OSBPL3: variants seen among roughly 807,000 people sequenced by gnomAD.
OSBPL3 encodes oxysterol-binding protein-related protein 3.
Under a neutral mutation model 120.1 loss-of-function variants are expected in OSBPL3, and 65 were observed. The ratio of observed to expected loss-of-function variants is 0.54; its 90% confidence interval spans 0.44 to 0.67. The LOEUF (loss-of-function observed/expected upper bound fraction) is 0.67. Ranked by LOEUF, OSBPL3 falls within the 30% of genes least tolerant of loss-of-function variation. OSBPL3 has a pLI of 0.00. For synonymous variants in OSBPL3, 416 were observed against 402.6 expected (o/e 1.03, Z -0.40); for missense variants, 1,004 against 1,082.1 (o/e 0.93, Z 1.01).
chr7:24,822,838 T>C lies in OSBPL3; in HGVS notation c.1885-2600A>G, dbSNP rs1371859893. 1.3e-5 allele frequency among the ~76,000 whole-genome samples: 2 copies of C among 152,242 alleles called. No individual in the cohort carries two copies. Among genetic ancestry groups the C allele is most frequent in the African/African-American group, 4.8e-5 (2 of 41,456 alleles). ...CCTTGATTTTTTTAAACTATTGTGT[T>C]AGATAATGAATGAATGTTTAGCAGA... is the stretch of plus-strand genomic sequence containing the variant. On this transcript the variant is annotated intron_variant, in intron 16 of 22. Transcript: ENST00000313367. The surrounding 1 kb of genome is among the most constrained non-coding windows in gnomAD (Gnocchi z 5.8).
intron 14 of OSBPL3, among the ~76,000 whole-genome samples, chr7:24,838,668 A>G (rs140091540): frequency 2.6e-5 from 4 of 152,266 alleles, no homozygotes; most frequent in East Asian, 1.9e-4. Context: ...CATTCCATTA[A>G]CTTTGTGCTT....
At chr7:24,919,737 C>T (rs182205549) in intron 1 of OSBPL3, among the ~76,000 whole-genome samples, 60 of 149,964 alleles carry the variant, frequency 4.0e-4, no homozygotes, top group Non-Finnish European at 7.0e-4. Context: ...ATCCACAGAA[C>T]GAGAGATAAT....
intron 1 of OSBPL3, among the ~76,000 whole-genome samples, chr7:24,928,876 T>C (rs916413287): frequency 1.3e-5 from 2 of 152,246 alleles, no homozygotes; most frequent in African/African-American, 2.4e-5. Flanking sequence ...AGTAGCATTT[T>C]GTTGTATAAA....
chr7:24,810,252 C>T (rs908807354), intron 19 of OSBPL3: 10 of 219,658 alleles, frequency 4.6e-5, no homozygotes, highest in East Asian at 1.3e-4. Flanking sequence ...TGGCCGGGCA[C>T]GGTGGCTCAC....
intron 1 of OSBPL3, among the ~76,000 whole-genome samples, chr7:24,969,867 T>TA (rs1816800466): frequency 6.6e-6 from 1 of 152,206 alleles, no homozygotes. Flanking sequence ...AGATAGCTCT[T>TA]ACCGTGTCAC....
intron 5 of OSBPL3, among the ~76,000 whole-genome samples, chr7:24,870,180 C>T (rs1002807569): frequency 1.6e-4 from 24 of 152,152 alleles, no homozygotes; most frequent in Admixed American, 3.3e-4. Context: ...CTAGATCTCA[C>T]GCTTCATGCT....
Position 24,804,988 on chromosome 7 carries a change from C to T in OSBPL3, c.2445-551G>A, listed in dbSNP as rs1792852687. 6.6e-6 allele frequency among the ~76,000 whole-genome samples: 1 copy of T among 152,162 alleles called. No homozygotes were observed. Among genetic ancestry groups the T allele is most frequent in the Non-Finnish European group, 1.5e-5 (1 of 68,022 alleles). On this transcript the variant is annotated intron_variant, in intron 21 of 22. Transcript: ENST00000313367. The surrounding 1 kb of genome is among the most constrained non-coding windows in gnomAD (Gnocchi z 5.4). ...GGATGTATATGAATTTAGACAATTT[C>T]CTATGGATAGACATTTGAATCATTT...
At chr7:24,880,583 A>T (rs1474965920) in intron 2 of OSBPL3, among the ~76,000 whole-genome samples, 2 of 152,210 alleles carry the variant, frequency 1.3e-5, no homozygotes, top group East Asian at 3.8e-4. Flanking sequence ...GTACACCATA[A>T]TGATTGGCTT....
Position 24,804,112 on chromosome 7 carries a change from G to C in OSBPL3, c.2567+203C>G, listed in dbSNP as rs1792719647. Among the ~76,000 whole-genome samples the C allele has an allele frequency of 1.3e-5, 2 of 152,204 alleles. No homozygotes were observed. The highest frequency in any genetic ancestry group is 4.8e-5 in the African/African-American group (2 of 41,456). ...ATGCAAAAATGCAGGCCCTAGTCCT[G>C]TCTGAAGTCAGCAAGAGGGAGAGCC... On this transcript the variant is annotated intron_variant, in intron 22 of 22. Transcript: ENST00000313367. The surrounding 1 kb of genome is among the most constrained non-coding windows in gnomAD (Gnocchi z 5.4).
chr7:24,809,665 A>G, intron 20 of OSBPL3, 142 bp downstream of exon 20: 1 of 685,496 alleles, frequency 1.5e-6, no homozygotes, highest in South Asian at 2.0e-5. Context: ...TGAAGGAAAG[A>G]GGGCCTACAC....
At chr7:24,978,847 C>G (rs1236190636) in intron 1 of OSBPL3, among the ~76,000 whole-genome samples, 1 of 152,242 alleles carries the variant, frequency 6.6e-6, no homozygotes, top group African/African-American at 2.4e-5. Flanking sequence ...CCCTCAGCTC[C>G]AAGAGTCCCG....
rs1390298047 is a variant in OSBPL3, at chr7:24,968,070, A to C, written c.-150+11816T>G. Among the ~76,000 whole-genome samples the C allele has an allele frequency of 2.6e-5, 4 of 152,346 alleles. No individual in the cohort carries two copies. The highest frequency in any genetic ancestry group is 9.6e-5 in the African/African-American group (4 of 41,580). On this transcript the variant is annotated intron_variant, in intron 1 of 22. Transcript: ENST00000313367. This position sits in a 1 kb window ranked among gnomAD's most constrained non-coding sequence, Gnocchi z 4.6. Reference sequence around the variant, plus strand: ...AATACATTTACTTGGAATAATATTCAAAAGGTATAATTTCAACTTCACACC... The same window carrying C: ...AATACATTTACTTGGAATAATATTCCAAAGGTATAATTTCAACTTCACACC...
In OSBPL3 at chr7:24,830,354, A is replaced by T. The variant is rs1796217861; in HGVS notation, c.1884+414T>A. On this transcript the variant is annotated intron_variant, in intron 16 of 22. Coordinates refer to ENST00000313367, the MANE Select transcript of OSBPL3 (RefSeq NM_015550.4). The surrounding 1 kb of genome is among the most constrained non-coding windows in gnomAD (Gnocchi z 4.4). ...ATACATGAATGAATGATTCCTCTCAAATCAAAATTGAGAATAACGCATTTA... is the reference window on the plus strand; with the variant it reads ...ATACATGAATGAATGATTCCTCTCATATCAAAATTGAGAATAACGCATTTA... Among the ~76,000 whole-genome samples, 1 of 152,178 alleles carries T rather than the reference A, an allele frequency of 6.6e-6. No individual in the cohort carries two copies. Among genetic ancestry groups the T allele is most frequent in the African/African-American group, 2.4e-5 (1 of 41,440 alleles).
At chr7:24,919,458 A>G (rs570118819) in intron 1 of OSBPL3, among the ~76,000 whole-genome samples, 2 of 152,272 alleles carry the variant, frequency 1.3e-5, no homozygotes, top group East Asian at 1.9e-4. Flanking sequence ...TGATATCTAC[A>G]TGCAAAATAA....
intron 1 of OSBPL3, among the ~76,000 whole-genome samples, chr7:24,942,851 T>G (rs966491793): frequency 2.6e-5 from 4 of 152,202 alleles, no homozygotes; most frequent in African/African-American, 9.7e-5. Flanking sequence ...CAGGGCAAAC[T>G]TTGCCATCAA....
At position 24,952,481 on chromosome 7, in the gene OSBPL3, T is replaced by C. The variant is rs1430793832; in HGVS notation, c.-150+27405A>G. On this transcript the variant is annotated intron_variant, in intron 1 of 22. Transcript: ENST00000313367. This position sits in a 1 kb window ranked among gnomAD's most constrained non-coding sequence, Gnocchi z 4.4. ...ATGGTCTAATCTAACATGTCTAAAA[T>C]ATTATTTGTAATACCCTTAAAGAAT... Among the ~76,000 whole-genome samples the C allele has an allele frequency of 2.0e-5, 3 of 152,196 alleles. No homozygotes were observed. Among genetic ancestry groups the C allele is most frequent in the African/African-American group, 7.2e-5 (3 of 41,454 alleles).
rs2128499323 is a variant in OSBPL3 at position 24,952,110 on chromosome 7, A to G, written c.-150+27776T>C. ...CCACCGGCCATTCTTTCAAGCTTCAAAAAAGGAGCTCAGACTTTGAGTAAA... is the reference window on the plus strand; with the variant it reads ...CCACCGGCCATTCTTTCAAGCTTCAGAAAAGGAGCTCAGACTTTGAGTAAA... On this transcript the variant is annotated intron_variant, in intron 1 of 22. Transcript: ENST00000313367. This position sits in a 1 kb window ranked among gnomAD's most constrained non-coding sequence, Gnocchi z 4.4. 6.6e-6 allele frequency among the ~76,000 whole-genome samples: 1 copy of G among 152,344 alleles called. No homozygotes were observed. The highest frequency in any genetic ancestry group is 1.5e-5 in the Non-Finnish European group (1 of 68,014).
At chr7:24,957,902 T>G (rs1415765502) in intron 1 of OSBPL3, among the ~76,000 whole-genome samples, 1 of 152,198 alleles carries the variant, frequency 6.6e-6, no homozygotes, top group Non-Finnish European at 1.5e-5. Context: ...ATACACTGTT[T>G]TACACATTCT....
At chr7:24,977,531 A>C (rs1474651821) in intron 1 of OSBPL3, among the ~76,000 whole-genome samples, 1 of 148,578 alleles carries the variant, frequency 6.7e-6, no homozygotes, top group Non-Finnish European at 1.5e-5. Context: ...AATGGAGATA[A>C]CCTCACAACA....
Sources: gnomAD v4.1 joint callset for allele counts (sites outside exome capture counted in the v4.1 genomes callset) on GRCh38, gnomAD v4.1.1 for gene constraint, Gnocchi (gnomAD v3.1) non-coding constraint, MANE v1.5 for transcripts, NCBI Gene and HGNC (gene_info 2026-07-23, HGNC 2026-07-21) for gene names.